SPEG: variants seen among roughly 807,000 people sequenced by gnomAD.
SPEG encodes striated muscle enriched protein kinase.
Under a neutral mutation model 300.4 loss-of-function variants are expected in SPEG, and 114 were observed. That is an observed-to-expected ratio of 0.38 (90% CI 0.33 to 0.44). The LOEUF (loss-of-function observed/expected upper bound fraction) is 0.44. Ranked by LOEUF, SPEG falls within the 20% of genes least tolerant of loss-of-function variation. SPEG has a pLI of 1.00. For synonymous variants in SPEG, 1,964 were observed against 2,018.9 expected (o/e 0.97, Z 0.73); for missense variants, 4,201 against 4,586.2 (o/e 0.92, Z 2.43).
intron 6 of SPEG, among the ~76,000 whole-genome samples, chr2:219,457,835 C>T (rs1029004819): frequency 1.3e-5 from 2 of 152,226 alleles, no homozygotes; most frequent in African/African-American, 4.8e-5. Flanking sequence ...GCTTTTGCTT[C>T]AAACTTTTCC....
At chr2:219,469,947 C>A (rs564174608) in intron 13 of SPEG, among the ~76,000 whole-genome samples, 1 of 152,186 alleles carries the variant, frequency 6.6e-6, no homozygotes, top group Non-Finnish European at 1.5e-5. Flanking sequence ...CACAGAGGAA[C>A]GTATTTGGGT....
At chr2:219,486,880 C>A (rs1283830506) in intron 31 of SPEG, among the ~76,000 whole-genome samples, 2 of 152,112 alleles carry the variant, frequency 1.3e-5, no homozygotes, top group African/African-American at 4.8e-5. Flanking sequence ...TTCACATTGC[C>A]TTGTTGGAAC....
Position 219,460,994 on chromosome 2 carries a change from G to A in SPEG, c.2441-888G>A, listed in dbSNP as rs900397336. 10 of 985,722 alleles carry A rather than the reference G, an allele frequency of 1.0e-5. No individual in the cohort carries two copies. The African/African-American group carries it at 1.7e-4, about 17-fold the overall frequency. 61.1% of individuals were successfully genotyped at this position (985,722 alleles called of 1,614,324 possible). A position where few individuals can be genotyped will look rare whatever the true frequency, so the allele number is the denominator to read the frequency against. On this transcript the variant is annotated intron_variant, in intron 6 of 40. Coordinates refer to ENST00000312358, the MANE Select transcript of SPEG (RefSeq NM_005876.5). ...GGCTGGGGTCTGTGTGCAGAGCCTC[G>A]GGGTGAGTTGGGGTACAGCCCTGCT...
At chr2:219,442,421 A>C (rs1688990023) in intron 1 of SPEG, among the ~76,000 whole-genome samples, 1 of 147,852 alleles carries the variant, frequency 6.8e-6, no homozygotes. Flanking sequence ...GTCCAACCTC[A>C]ACCCCGGGCC....
rs2125549126 is a variant in SPEG, at chr2:219,482,862, G to A, written c.5634+10G>A. The A allele has an allele frequency of 6.2e-7, 1 of 1,613,024 alleles. No individual in the cohort carries two copies. The highest frequency in any genetic ancestry group is 8.5e-7 in the Non-Finnish European group (1 of 1,179,372). On this transcript the variant is annotated intron_variant, in intron 29 of 40. Coordinates refer to ENST00000312358, the MANE Select transcript of SPEG (RefSeq NM_005876.5). ...CCGGCGGAGGTGGCAGGTAAGTGTG[G>A]CAGGCCAGCCTCTGTGCTTTCCACC... is the stretch of plus-strand genomic sequence containing the variant.
Position 219,444,553 on chromosome 2 carries a change from T to G in SPEG, c.389-100T>G, listed in dbSNP as rs191058440. On this transcript the variant is annotated intron_variant, in intron 1 of 40. Coordinates refer to ENST00000312358, the MANE Select transcript of SPEG (RefSeq NM_005876.5). This position sits in a 1 kb window ranked among gnomAD's most constrained non-coding sequence, Gnocchi z 7.8. ...GAGGTGCTGGCAGCCCTGCCAGTGA[T>G]AAGATGGAGCCTGCTGTTGGCAGGG... is the stretch of plus-strand genomic sequence containing the variant. 5.1e-3 allele frequency: 5,063 copies of G among 989,750 alleles called. 33 individuals carry two copies. Among genetic ancestry groups the G allele is most frequent in the Admixed American group, 7.5e-3 (385 of 51,418 alleles). 61.3% of individuals were successfully genotyped at this position (989,750 alleles called of 1,614,324 possible). A position where few individuals can be genotyped will look rare whatever the true frequency, so the allele number is the denominator to read the frequency against.
chr2:219,485,170 G>A, intron 30 of SPEG, 98 bp downstream of exon 30: 2 of 1,498,718 alleles, frequency 1.3e-6, no homozygotes, highest in Non-Finnish European at 1.8e-6. Flanking sequence ...CACCCACCAG[G>A]GGCAGGCTGA....
intron 18 of SPEG, among the ~76,000 whole-genome samples, chr2:219,476,021 G>A (rs1482974227): frequency 6.7e-6 from 1 of 149,524 alleles, no homozygotes; most frequent in Non-Finnish European, 1.5e-5. Context: ...GCTCAAACAC[G>A]CTGGGGTGGG....
In SPEG at chr2:219,444,189, C is replaced by T. The variant is rs142340216; in HGVS notation, c.389-464C>T. ...TTTGGGGTAGAGGACAGGCTGGCCC[C>T]GCGGTTGGTCGAGTGCCCTGGCAGT... On this transcript the variant is annotated intron_variant, in intron 1 of 40. Coordinates refer to ENST00000312358, the MANE Select transcript of SPEG (RefSeq NM_005876.5). This position sits in a 1 kb window ranked among gnomAD's most constrained non-coding sequence, Gnocchi z 7.8. 6 of 612,436 alleles carry T rather than the reference C, an allele frequency of 9.8e-6. No individual in the cohort carries two copies. Among genetic ancestry groups the T allele is most frequent in the East Asian group, 1.3e-4 (2 of 14,984 alleles). 37.9% of individuals were successfully genotyped at this position (612,436 alleles called of 1,614,324 possible). A position where few individuals can be genotyped will look rare whatever the true frequency, so the allele number is the denominator to read the frequency against.
chr2:219,479,678 A>G lies in SPEG; in HGVS notation c.5086-105A>G. The G allele has an allele frequency of 9.8e-7, 1 of 1,016,902 alleles. No homozygotes were observed. Among genetic ancestry groups the G allele is most frequent in the Non-Finnish European group, 1.5e-6 (1 of 648,354 alleles). 63.0% of individuals were successfully genotyped at this position (1,016,902 alleles called of 1,614,324 possible). A position where few individuals can be genotyped will look rare whatever the true frequency, so the allele number is the denominator to read the frequency against. ...CCTGTTTCAGCCCCTTCCACGAGCC[A>G]TCTGAAGGCTACTCCACAGGCACAG... On this transcript the variant is annotated intron_variant, in intron 23 of 40. Transcript: ENST00000312358. This position sits in a 1 kb window ranked among gnomAD's most constrained non-coding sequence, Gnocchi z 5.5.
Position 219,435,196 on chromosome 2 carries a change from C to T in SPEG, c.219C>T (p.Ser73=), listed in dbSNP as rs773940783. The change falls in exon 1 of 41, where the codon AGC becomes AGT. Residue 73 remains serine, a synonymous_variant. Coordinates refer to ENST00000312358, the MANE Select transcript of SPEG (RefSeq NM_005876.5). The part of the protein sequence containing the change: ...RVVVSGTPQP[S]LRWFRDGQLL... Reference sequence around the variant, plus strand: ...TGGTGAGCGGGACGCCCCAGCCCAGCCTCCGCTGGTTCCGGGATGGGCAGC... The same window carrying T: ...TGGTGAGCGGGACGCCCCAGCCCAGTCTCCGCTGGTTCCGGGATGGGCAGC... 268 of 1,481,756 alleles carry T rather than the reference C, an allele frequency of 1.8e-4. No individual in the cohort carries two copies. Among genetic ancestry groups the T allele is most frequent in the Non-Finnish European group, 2.2e-4 (242 of 1,125,518 alleles). 91.8% of individuals were successfully genotyped at this position (1,481,756 alleles called of 1,614,324 possible). A position where few individuals can be genotyped will look rare whatever the true frequency, so the allele number is the denominator to read the frequency against.
Position 219,448,509 on chromosome 2 carries a change from G to C in SPEG, c.1351G>C (p.Gly451Arg). 1 of 1,450,668 alleles carries C rather than the reference G, an allele frequency of 6.9e-7. No individual in the cohort carries two copies. The highest frequency in any genetic ancestry group is 2.7e-5 in the Admixed American group (1 of 37,080). The allele number at this position is 1,450,668 out of a possible 1,614,324, so 89.9% of individuals were successfully genotyped here. Residue 451 changes from glycine (G) to arginine (R), a missense_variant, in exon 4 of 41, where the codon GGG becomes CGG. Physicochemically the swap from Gly to Arg is moderately radical, Grantham distance 125. Transcript: ENST00000312358. ...GCGCGGCGCACCGTGGGGCACCCCC[G>C]GGGCCTCGCAGGAAGAACTGCGGGC... ...SERGAPWGTP[G>R]ASQEELRAPG...
intron 31 of SPEG, among the ~76,000 whole-genome samples, chr2:219,486,278 C>T (rs1200759703): frequency 2.0e-5 from 3 of 152,218 alleles, no homozygotes; most frequent in South Asian, 2.1e-4. Flanking sequence ...GCAAAGGCTT[C>T]GGGAGGTTGG....
chr2:219,470,755 A>G (rs1691799617), intron 13 of SPEG, among the ~76,000 whole-genome samples: 1 of 152,008 alleles, frequency 6.6e-6, no homozygotes. Context: ...ATCACATGGT[A>G]CCAAGGTCAA....
At chr2:219,449,890 C>T (rs1192299042) in intron 4 of SPEG, among the ~76,000 whole-genome samples, 1 of 152,226 alleles carries the variant, frequency 6.6e-6, no homozygotes, top group East Asian at 1.9e-4. Flanking sequence ...TGTGTTGTCT[C>T]CCAACCTTCC....
intron 1 of SPEG, among the ~76,000 whole-genome samples, chr2:219,440,931 T>C (rs544353920): frequency 1.7e-4 from 26 of 152,358 alleles, no homozygotes; most frequent in African/African-American, 6.3e-4. Flanking sequence ...ACTGGGATGA[T>C]AATTCCCATC....
chr2:219,482,933 T>C, intron 29 of SPEG, 81 bp downstream of exon 29: 1 of 1,467,404 alleles, frequency 6.8e-7, no homozygotes, highest in East Asian at 2.3e-5. Context: ...TGGGCCTTCA[T>C]CTCCTGCTCC....
Position 219,451,556 on chromosome 2 carries a change from G to A in SPEG, c.2258-69G>A, listed in dbSNP as rs1393247815. On this transcript the variant is annotated intron_variant, in intron 5 of 40. Coordinates refer to ENST00000312358, the MANE Select transcript of SPEG (RefSeq NM_005876.5). The surrounding 1 kb of genome is among the most constrained non-coding windows in gnomAD (Gnocchi z 6.4). Reference sequence around the variant, plus strand: ...GTTTGGTCTCCTGTGTGGTGTGTGGGGTAGGAGTAGAGATTCTCAGTGGGC... The same window carrying A: ...GTTTGGTCTCCTGTGTGGTGTGTGGAGTAGGAGTAGAGATTCTCAGTGGGC... 5 of 1,391,620 alleles carry A rather than the reference G, an allele frequency of 3.6e-6. No individual in the cohort carries two copies. Among genetic ancestry groups the A allele is most frequent in the Non-Finnish European group, 4.8e-6 (5 of 1,052,502 alleles). The allele number at this position is 1,391,620 out of a possible 1,614,324, so 86.2% of individuals were successfully genotyped here.
intron 3 of SPEG, among the ~76,000 whole-genome samples, chr2:219,446,560 G>C (rs1347380487): frequency 6.6e-6 from 1 of 152,190 alleles, no homozygotes; most frequent in East Asian, 1.9e-4. Flanking sequence ...AGGTGGGTCT[G>C]TCATGTGGGT....
Sources: gnomAD v4.1 joint callset for allele counts (sites outside exome capture counted in the v4.1 genomes callset) on GRCh38, gnomAD v4.1.1 for gene constraint, Gnocchi (gnomAD v3.1) non-coding constraint, MANE v1.5 for transcripts, NCBI Gene and HGNC (gene_info 2026-07-23, HGNC 2026-07-21) for gene names.